Variants in SGCZ observed in about 807,000 individuals in gnomAD.
SGCZ encodes the protein zeta-sarcoglycan.
A neutral mutation model predicts 41.3 loss-of-function variants in SGCZ; 40 were observed. The ratio of observed to expected loss-of-function variants is 0.97; its 90% CI spans 0.75 to 1.26. The LOEUF is 1.26. SGCZ is among the 50% of genes most tolerant of loss of function. The pLI is 0.00. For synonymous variants in SGCZ, 206 were observed against 137.5 expected (o/e 1.50, Z -3.49); for missense variants, 552 against 369.8 (o/e 1.49, Z -4.04).
At chr8:14,169,375 G>A (rs567478263) in intron 4 of SGCZ, among the ~76,000 whole-genome samples, 24 of 151,934 alleles carry the variant, frequency 1.6e-4, no homozygotes, top group African/African-American at 4.6e-4. Flanking sequence ...TCCTCCATTC[G>A]TAGTCTCCTT....
chr8:14,620,987 T>C (rs4526363), intron 1 of SGCZ, among the ~76,000 whole-genome samples: 126,909 of 152,032 alleles, frequency 0.83, 53,337 homozygotes, highest in Non-Finnish European at 0.88. Context: ...GACACATGCA[T>C]GCATATGTTT....
intron 2 of SGCZ, among the ~76,000 whole-genome samples, chr8:14,404,976 A>G (rs900629158): frequency 3.3e-5 from 5 of 152,186 alleles, no homozygotes; most frequent in Non-Finnish European, 7.3e-5. Context: ...AGATCTGGCC[A>G]GGTGGCCTGT....
chr8:14,867,075 A>G (rs1200288044), intron 1 of SGCZ, among the ~76,000 whole-genome samples: 1 of 152,138 alleles, frequency 6.6e-6, no homozygotes, highest in African/African-American at 2.4e-5. Context: ...CCCAATGTCT[A>G]GGTCATTCAC....
chr8:14,925,973 T>G (rs955121706), intron 1 of SGCZ, among the ~76,000 whole-genome samples: 5 of 152,186 alleles, frequency 3.3e-5, no homozygotes, highest in South Asian at 2.1e-4. Flanking sequence ...ATAGCAACAG[T>G]ATGATTTGTA....
chr8:14,255,471 T>C (rs1426302826), intron 3 of SGCZ, among the ~76,000 whole-genome samples: 6 of 152,144 alleles, frequency 3.9e-5, no homozygotes, highest in African/African-American at 1.4e-4. Flanking sequence ...GTAAAAAAAT[T>C]TCTTGAGGAT....
intron 1 of SGCZ, among the ~76,000 whole-genome samples, chr8:14,799,323 T>A (rs1024295738): frequency 6.6e-6 from 1 of 152,190 alleles, no homozygotes; most frequent in Non-Finnish European, 1.5e-5. Flanking sequence ...AAAAGTTGGA[T>A]GCATTTTGTA....
intron 1 of SGCZ, among the ~76,000 whole-genome samples, chr8:14,815,986 T>C (rs1013026430): frequency 1.3e-5 from 2 of 152,224 alleles, no homozygotes; most frequent in African/African-American, 4.8e-5. Context: ...TTATACAATT[T>C]TAAATTTTCA....
At chr8:14,429,089 T>TAAGACAGCA (rs1448517520) in intron 2 of SGCZ, among the ~76,000 whole-genome samples, 1 of 152,210 alleles carries the variant, frequency 6.6e-6, no homozygotes, top group African/African-American at 2.4e-5. Context: ...CTTGCTGTCT[T>TAAGACAGCA]AGAATAGATC....
intron 3 of SGCZ, among the ~76,000 whole-genome samples, chr8:14,259,868 G>C (rs1799593826): frequency 6.6e-6 from 1 of 151,938 alleles, no homozygotes; most frequent in African/African-American, 2.4e-5. Flanking sequence ...GTAGCTTGAT[G>C]GGGATGGCAC....
intron 1 of SGCZ, among the ~76,000 whole-genome samples, chr8:14,865,330 T>C (rs1164622500): frequency 6.6e-6 from 1 of 151,996 alleles, no homozygotes; most frequent in Non-Finnish European, 1.5e-5. Flanking sequence ...CTGGGTTCTT[T>C]TTTCCACTGC....
At chr8:14,785,116 T>C (rs1800728193) in intron 1 of SGCZ, among the ~76,000 whole-genome samples, 1 of 150,838 alleles carries the variant, frequency 6.6e-6, no homozygotes, top group Non-Finnish European at 1.5e-5. Flanking sequence ...TTTTAGTGAT[T>C]TTTCCATATC....
chr8:14,663,410 T>C (rs1409020467), intron 1 of SGCZ, among the ~76,000 whole-genome samples: 2 of 152,208 alleles, frequency 1.3e-5, no homozygotes, highest in Admixed American at 6.5e-5. Context: ...TATAGATGTA[T>C]GCAACTAATT....
intron 2 of SGCZ, among the ~76,000 whole-genome samples, chr8:14,434,294 T>A (rs1400540166): frequency 4.6e-5 from 7 of 152,218 alleles, no homozygotes; most frequent in Admixed American, 2.6e-4. Context: ...TGGGTTTATT[T>A]CTGGGTTCTG....
intron 1 of SGCZ, among the ~76,000 whole-genome samples, chr8:14,579,508 C>G (rs1241854770): frequency 6.6e-6 from 1 of 152,152 alleles, no homozygotes; most frequent in East Asian, 1.9e-4. Context: ...GAATGACTTC[C>G]CTGATTCTTT....
chr8:14,839,629 G>C (rs10089288), intron 1 of SGCZ, among the ~76,000 whole-genome samples: 4 of 151,602 alleles, frequency 2.6e-5, no homozygotes, highest in East Asian at 1.9e-4. Flanking sequence ...AGTCTTGAAC[G>C]CTCTTCCTCC....
intron 1 of SGCZ, among the ~76,000 whole-genome samples, chr8:14,638,736 C>A (rs554071367): frequency 3.3e-4 from 50 of 151,952 alleles, no homozygotes; most frequent in African/African-American, 1.2e-3. Flanking sequence ...GAGAAGTGAG[C>A]AATCCTTTAT....
intron 4 of SGCZ, among the ~76,000 whole-genome samples, chr8:14,220,146 C>T (rs947956155): frequency 6.6e-6 from 1 of 152,048 alleles, no homozygotes; most frequent in Non-Finnish European, 1.5e-5. Context: ...TAAACGTACA[C>T]CAAAAGGGAG....
At chr8:14,498,690 T>A (rs1802062359) in intron 2 of SGCZ, among the ~76,000 whole-genome samples, 1 of 152,108 alleles carries the variant, frequency 6.6e-6, no homozygotes, top group African/African-American at 2.4e-5. Context: ...TTAACACTTG[T>A]TGATTAAAAT....
At chr8:14,480,086 T>G (rs2117002613) in intron 2 of SGCZ, among the ~76,000 whole-genome samples, 1 of 152,306 alleles carries the variant, frequency 6.6e-6, no homozygotes, top group South Asian at 2.1e-4. Flanking sequence ...ACCATTTGTC[T>G]TCAATTACTG....
Sources: allele counts gnomAD v4.1 joint callset (sites outside exome capture counted in the v4.1 genomes callset), GRCh38; gene constraint gnomAD v4.1.1; transcripts MANE v1.5; gene names NCBI Gene and HGNC (gene_info 2026-07-23, HGNC 2026-07-21).